The following CADM2 variants were observed in gnomAD, a reference collection of about 807,000 sequenced individuals.
CADM2 encodes the protein cell adhesion molecule 2.
CADM2 carries 12 observed loss-of-function variants against 49.8 expected under a neutral mutation model. The ratio of observed to expected loss-of-function variants is 0.24; its 90% CI spans 0.15 to 0.39. CADM2 has a LOEUF of 0.39. Ranked by LOEUF, CADM2 falls within the 10% of genes least tolerant of loss-of-function variation. CADM2 has a pLI of 1.00. For missense variants in CADM2, 378 were observed against 492.3 expected, an observed-to-expected ratio of 0.77 and a Z score of 2.20; for synonymous variants, 214 against 175.4, an observed-to-expected ratio of 1.22 and a Z score of -1.74.
chr3:85,694,880 A>C (rs1218607562), intron 1 of CADM2, among the ~76,000 whole-genome samples: 1 of 152,166 alleles, frequency 6.6e-6, no homozygotes, highest in Non-Finnish European at 1.5e-5. Flanking sequence ...AAGAATCCCC[A>C]GAAGTTCAAA....
chr3:85,200,654 C>T (rs2107744903), intron 1 of CADM2, among the ~76,000 whole-genome samples: 1 of 152,110 alleles, frequency 6.6e-6, no homozygotes, highest in Non-Finnish European at 1.5e-5. Flanking sequence ...ACTAAAGAGG[C>T]AAAGTAAGTG....
At chr3:85,026,673 A>G (rs1361990389) in intron 1 of CADM2, among the ~76,000 whole-genome samples, 2 of 152,196 alleles carry the variant, frequency 1.3e-5, no homozygotes, top group Non-Finnish European at 2.9e-5. Context: ...CCCAAAAGCC[A>G]ATGTACCAAA....
chr3:85,043,745 T>C (rs1477903622), intron 1 of CADM2, among the ~76,000 whole-genome samples: 2 of 152,066 alleles, frequency 1.3e-5, no homozygotes, highest in South Asian at 4.1e-4. Context: ...AAGTCCCCAA[T>C]ACTGTCTTCC....
chr3:85,749,150 A>G (rs897173112), intron 2 of CADM2, among the ~76,000 whole-genome samples: 1 of 151,916 alleles, frequency 6.6e-6, no homozygotes, highest in Non-Finnish European at 1.5e-5. Flanking sequence ...ACAGGTGTAT[A>G]CTTTTGAAAC....
At chr3:85,369,068 A>G (rs149998293) in intron 1 of CADM2, among the ~76,000 whole-genome samples, 12 of 152,286 alleles carry the variant, frequency 7.9e-5, no homozygotes, top group African/African-American at 2.9e-4. Flanking sequence ...TAAAACGTTT[A>G]CTGGTAATGA....
intron 2 of CADM2, among the ~76,000 whole-genome samples, chr3:85,801,592 T>C (rs2072040688): frequency 6.6e-6 from 1 of 152,138 alleles, no homozygotes; most frequent in Non-Finnish European, 1.5e-5. Flanking sequence ...AAAGTTTGAG[T>C]ATCCATATTT....
intron 1 of CADM2, among the ~76,000 whole-genome samples, chr3:85,294,812 C>A (rs1040614646): frequency 6.6e-6 from 1 of 152,100 alleles, no homozygotes; most frequent in Non-Finnish European, 1.5e-5. Context: ...AAGACTTAAA[C>A]GTTAGACCTA....
chr3:85,171,248 T>G (rs1253116813), intron 1 of CADM2, among the ~76,000 whole-genome samples: 2 of 152,220 alleles, frequency 1.3e-5, no homozygotes, highest in Non-Finnish European at 2.9e-5. Context: ...ACACTCTAGA[T>G]TTCTGGACTT....
chr3:85,651,220 A>G (rs2065033322), intron 1 of CADM2, among the ~76,000 whole-genome samples: 1 of 152,158 alleles, frequency 6.6e-6, no homozygotes, highest in African/African-American at 2.4e-5. Context: ...AAATTCAGTG[A>G]ACATTTTATG....
intron 1 of CADM2, among the ~76,000 whole-genome samples, chr3:85,198,794 T>G (rs2041411433): frequency 6.6e-6 from 1 of 151,926 alleles, no homozygotes; most frequent in African/African-American, 2.4e-5. Context: ...AATTGTTATG[T>G]CTCCAGTTTT....
chr3:85,915,882 C>T (rs539317302), intron 6 of CADM2, among the ~76,000 whole-genome samples: 99 of 152,052 alleles, frequency 6.5e-4, no homozygotes, highest in African/African-American at 2.3e-3. Flanking sequence ...TATATTCCTA[C>T]AATAATGGAA....
intron 1 of CADM2, among the ~76,000 whole-genome samples, chr3:85,156,581 T>C (rs2040131711): frequency 6.6e-6 from 1 of 152,184 alleles, no homozygotes; most frequent in Admixed American, 6.5e-5. Flanking sequence ...TCTGAAACTA[T>C]TCGAATCAAT....
intron 5 of CADM2, among the ~76,000 whole-genome samples, chr3:85,886,879 T>TCA (rs979424778): frequency 4.6e-5 from 7 of 151,910 alleles, no homozygotes; most frequent in Admixed American, 1.3e-4. Context: ...TCTCTCTCTG[T>TCA]CACACACACA....
chr3:85,546,570 A>T (rs1418310577), intron 1 of CADM2, among the ~76,000 whole-genome samples: 1 of 152,018 alleles, frequency 6.6e-6, no homozygotes, highest in African/African-American at 2.4e-5. Context: ...AACACTACTA[A>T]TATTAAATTA....
intron 1 of CADM2, among the ~76,000 whole-genome samples, chr3:85,725,547 G>A (rs2067665320): frequency 2.0e-5 from 3 of 151,928 alleles, no homozygotes; most frequent in African/African-American, 4.8e-5. Flanking sequence ...GTAAGTCAAA[G>A]TAGACTATAT....
intron 1 of CADM2, among the ~76,000 whole-genome samples, chr3:85,277,158 A>G (rs1039095597): frequency 6.6e-6 from 1 of 151,400 alleles, no homozygotes; most frequent in African/African-American, 2.4e-5. Flanking sequence ...TTTTTAAAAA[A>G]TAAATATTAA....
chr3:85,941,797 C>A (rs1364373880), intron 7 of CADM2, among the ~76,000 whole-genome samples: 1 of 151,980 alleles, frequency 6.6e-6, no homozygotes, highest in East Asian at 1.9e-4. Flanking sequence ...CTTAAAGAAC[C>A]CAAACTAAGT....
chr3:85,771,734 T>C (rs773244357), intron 2 of CADM2, among the ~76,000 whole-genome samples: 1 of 152,056 alleles, frequency 6.6e-6, no homozygotes, highest in African/African-American at 2.4e-5. Flanking sequence ...GACACATTGA[T>C]AGAATTATTT....
intron 1 of CADM2, among the ~76,000 whole-genome samples, chr3:85,093,430 T>C (rs1449931866): frequency 6.6e-6 from 1 of 150,912 alleles, no homozygotes; most frequent in East Asian, 2.0e-4. Flanking sequence ...AGAATCAGAA[T>C]CGTTTGAACA....
Sources: allele counts gnomAD v4.1 joint callset (sites outside exome capture counted in the v4.1 genomes callset), GRCh38; gene constraint gnomAD v4.1.1; transcripts MANE v1.5; gene names NCBI Gene and HGNC (gene_info 2026-07-23, HGNC 2026-07-21).